Variants in SEMA4B observed in about 807,000 individuals in gnomAD.
SEMA4B encodes semaphorin 4B, also known as semaphorin-4B.
SEMA4B carries 55 observed loss-of-function variants against 88.1 expected under a neutral mutation model. The ratio of observed to expected loss-of-function variants is 0.62; its 90% CI spans 0.50 to 0.78. The LOEUF (loss-of-function observed/expected upper bound fraction) is 0.78. Ranked by LOEUF, SEMA4B falls within the 30% of genes least tolerant of loss-of-function variation. SEMA4B has a pLI of 0.00. For synonymous variants in SEMA4B, 525 were observed against 473.6 expected, an observed-to-expected ratio of 1.11 and a Z score of -1.41; for missense variants, 1,062 against 1,111.9, an observed-to-expected ratio of 0.96 and a Z score of 0.64.
upstream of SEMA4B, among the ~76,000 whole-genome samples, chr15:90,196,829 T>G (rs2151588293): frequency 6.6e-6 from 1 of 152,312 alleles, no homozygotes; most frequent in African/African-American, 2.4e-5. Flanking sequence ...AAGAAAAGCT[T>G]CCTTTTCACC....
Position 90,223,830 on chromosome 15 carries a change from C to T in SEMA4B, c.1044-8C>T, listed in dbSNP as rs370837227. ...GCTCCTGGGTTAATCTGGTTATTTC[C>T]TCTGCAGGCACAGGGGAACTACAGA... On this transcript the variant is annotated splice_region_variant and splice_polypyrimidine_tract_variant and intron_variant, in intron 8 of 13. Coordinates refer to ENST00000411539, the MANE Select transcript of SEMA4B (RefSeq NM_198925.4). The T allele has an allele frequency of 2.6e-4, 420 of 1,613,714 alleles. 1 individual carries two copies. Among genetic ancestry groups the T allele is most frequent in the Non-Finnish European group, 3.2e-4 (375 of 1,179,714 alleles).
In SEMA4B at chr15:90,221,718, G is replaced by A. The variant is rs764893252; in HGVS notation, c.814G>A (p.Glu272Lys). The A allele has an allele frequency of 6.2e-6, 10 of 1,613,948 alleles. No homozygotes were observed. Among genetic ancestry groups the A allele is most frequent in the Non-Finnish European group, 5.9e-6 (7 of 1,179,892 alleles). Residue 272 changes from glutamate to lysine, a missense_variant, in exon 7 of 14, where the codon GAG (glutamate) becomes AAG (lysine). Transcript: ENST00000411539. ...FFFSETGQEFEFFENTIVSRI... is the reference protein window; with the variant it reads ...FFFSETGQEFKFFENTIVSRI... ...CTTCAGCGAGACTGGCCAGGAATTT[G>A]AGTTCTTTGAGAACACCATTGTGTC...
intron 9 of SEMA4B, among the ~76,000 whole-genome samples, chr15:90,224,445 A>G (rs1045162831): frequency 6.6e-6 from 1 of 152,216 alleles, no homozygotes; most frequent in African/African-American, 2.4e-5. Context: ...AAGCAGCATG[A>G]AGGAATAGGA....
chr15:90,221,150 T>C, intron 5 of SEMA4B, 57 bp downstream of exon 5: 1 of 1,297,244 alleles, frequency 7.7e-7, no homozygotes, highest in South Asian at 1.3e-5. Flanking sequence ...CACACAGGGC[T>C]AGAGGGCTAG....
chr15:90,185,658 A>G (rs1250554823), intron 1 of SEMA4B, among the ~76,000 whole-genome samples: 2 of 152,204 alleles, frequency 1.3e-5, no homozygotes, highest in Non-Finnish European at 2.9e-5. Flanking sequence ...CACCTGTAAT[A>G]TGGGTATGTT....
intron 1 of SEMA4B, chr15:90,214,820 A>G: frequency 6.0e-6 from 2 of 330,654 alleles, no homozygotes; most frequent in Non-Finnish European, 5.9e-6. Context: ...GTGAATTTTT[A>G]CTTCCTTGCT....
At chr15:90,208,185 CA>C (rs1961083528) in intron 1 of SEMA4B, among the ~76,000 whole-genome samples, 2 of 150,522 alleles carry the variant, frequency 1.3e-5, no homozygotes, top group East Asian at 3.9e-4. Context: ...ACCTGGGAGA[CA>C]GGGGTTGCAG....
chr15:90,202,648 A>G (rs1199314603), intron 1 of SEMA4B, among the ~76,000 whole-genome samples: 1 of 152,222 alleles, frequency 6.6e-6, no homozygotes, highest in African/African-American at 2.4e-5. Flanking sequence ...TCTCATCTGC[A>G]AAATAGGCAG....
At chr15:90,214,981 T>A (rs1209498404) in intron 1 of SEMA4B, 2 of 1,275,548 alleles carry the variant, frequency 1.6e-6, no homozygotes, top group Admixed American at 4.7e-5. Flanking sequence ...ACACATGAAG[T>A]CATCTTCACA....
Position 90,216,758 on chromosome 15 carries a change from C to A in SEMA4B, c.158-681C>A, listed in dbSNP as rs145835980. On this transcript the variant is annotated intron_variant, in intron 1 of 13. Transcript: ENST00000411539. ...ACTTGGGAGGCCGAGGCAGGAGAATCACTTGAACCTAGGAGGTGGAGGTTG... is the reference window on the plus strand; with the variant it reads ...ACTTGGGAGGCCGAGGCAGGAGAATAACTTGAACCTAGGAGGTGGAGGTTG... Among the ~76,000 whole-genome samples, 92 of 152,234 alleles carry A rather than the reference C, an allele frequency of 6.0e-4. 1 individual carries two copies. The East Asian group carries it at 0.015, about 25-fold the overall frequency.
intron 5 of SEMA4B, 45 bp from the exon 6 acceptor site, chr15:90,221,322 G>A (rs1204457385): frequency 6.8e-7 from 1 of 1,464,756 alleles, no homozygotes. Flanking sequence ...AGGGAGAAGG[G>A]GCCGTGCTGA....
At chr15:90,224,365 G>A (rs1489359905) in intron 9 of SEMA4B, among the ~76,000 whole-genome samples, 1 of 152,204 alleles carries the variant, frequency 6.6e-6, no homozygotes, top group Non-Finnish European at 1.5e-5. Context: ...AGCCTAACGG[G>A]CTACCCTGAT....
chr15:90,223,515 G>A (rs780620665), intron 7 of SEMA4B, 44 bp from the exon 8 acceptor site: 1 of 1,506,396 alleles, frequency 6.6e-7, no homozygotes, highest in Non-Finnish European at 8.9e-7. Flanking sequence ...CCCCGTCATG[G>A]CTCAGCATGT....
intron 1 of SEMA4B, among the ~76,000 whole-genome samples, chr15:90,208,045 G>A (rs1961077262): frequency 6.6e-6 from 1 of 152,182 alleles, no homozygotes. Context: ...TTGAGGTCAG[G>A]AGTTTCGAGA....
intron 1 of SEMA4B, among the ~76,000 whole-genome samples, chr15:90,205,938 G>A (rs1032884763): frequency 3.3e-5 from 5 of 152,178 alleles, no homozygotes; most frequent in African/African-American, 1.2e-4. Context: ...GCATGGGGCT[G>A]GACCATGCCT....
At chr15:90,227,440 G>C (rs887376342) in intron 12 of SEMA4B, 117 bp from the exon 13 acceptor site, 2 of 743,228 alleles carry the variant, frequency 2.7e-6, no homozygotes, top group Non-Finnish European at 4.5e-6. Context: ...TGACTCCTGT[G>C]GGTGGGGAAT....
Position 90,212,657 on chromosome 15 carries a change from C to T in SEMA4B, c.158-4782C>T, listed in dbSNP as rs1961328125. Reference sequence around the variant, plus strand: ...GCGGTACCGTGTACACACACACACACACACACACACCACAGGCAAGCTCAG... The same window carrying T: ...GCGGTACCGTGTACACACACACACATACACACACACCACAGGCAAGCTCAG... On this transcript the variant is annotated intron_variant, in intron 1 of 13. Coordinates refer to ENST00000411539, the MANE Select transcript of SEMA4B (RefSeq NM_198925.4). This position sits in a 1 kb window ranked among gnomAD's most constrained non-coding sequence, Gnocchi z 4.0. 6.6e-6 allele frequency among the ~76,000 whole-genome samples: 1 copy of T among 152,074 alleles called. No homozygotes were observed. The highest frequency in any genetic ancestry group is 6.6e-5 in the Admixed American group (1 of 15,260).
intron 4 of SEMA4B, chr15:90,220,320 G>GCC (rs993853835): frequency 5.9e-6 from 1 of 168,744 alleles, no homozygotes; most frequent in African/African-American, 2.4e-5. Flanking sequence ...TCACATTGCT[G>GCC]CCCCTTCCAG....
At chr15:90,215,859 A>T (rs1479318115) in intron 1 of SEMA4B, among the ~76,000 whole-genome samples, 2 of 152,106 alleles carry the variant, frequency 1.3e-5, no homozygotes, top group Non-Finnish European at 2.9e-5. Flanking sequence ...GTATATATAT[A>T]TTTTTAAGTA....
Sources: gnomAD v4.1 joint callset for allele counts (sites outside exome capture counted in the v4.1 genomes callset) on GRCh38, gnomAD v4.1.1 for gene constraint, Gnocchi (gnomAD v3.1) non-coding constraint, MANE v1.5 for transcripts, NCBI Gene and HGNC (gene_info 2026-07-23, HGNC 2026-07-21) for gene names.